Variants in COG2 observed in about 807,000 individuals in gnomAD.
The protein encoded by COG2 is component of oligomeric golgi complex 2.
COG2 carries 52 observed loss-of-function variants against 90.6 expected under a neutral mutation model. That is an observed-to-expected ratio of 0.57 (90% CI 0.46 to 0.72). The LOEUF is 0.72. Among genes scored for constraint, COG2 ranks in the 30% least tolerant of loss-of-function variants. COG2 has a pLI of 0.00. For synonymous variants in COG2, 337 were observed against 320.4 expected (o/e 1.05, Z -0.55); for missense variants, 829 against 891.2 (o/e 0.93, Z 0.89).
At chr1:230,669,047 A>G in intron 6 of COG2, 2 of 451,948 alleles carry the variant, frequency 4.4e-6, no homozygotes, top group Non-Finnish European at 7.8e-6. Context: ...GTAGACAATT[A>G]ATTTATCCAA....
intron 1 of COG2, among the ~76,000 whole-genome samples, chr1:230,646,010 C>T (rs1245832486): frequency 6.6e-6 from 1 of 152,084 alleles, no homozygotes; most frequent in African/African-American, 2.4e-5. Context: ...TTTCCTTCCT[C>T]CTGAGGTCTG....
At chr1:230,643,911 T>G (rs1661689890) in intron 1 of COG2, among the ~76,000 whole-genome samples, 1 of 152,128 alleles carries the variant, frequency 6.6e-6, no homozygotes, top group African/African-American at 2.4e-5. Context: ...CAGCTAAGGG[T>G]ACATGCTGGG....
rs75830516 is a variant in COG2 at position 230,689,991 on chromosome 1, A to G, written c.1795-23A>G. The G allele has an allele frequency of 1.2e-4, 179 of 1,546,740 alleles. 2 individuals are homozygous for G. The African/African-American group carries it at 2.2e-3, about 19-fold the overall frequency. On this transcript the variant is annotated intron_variant, in intron 15 of 17. Transcript: ENST00000366669. ...TTCTGTTTTTTTCCTGTGCATCTTT[A>G]TCTCCTACCATCATCATTCCAGGAG...
At chr1:230,671,026 G>A (rs1174538296) in intron 7 of COG2, 2 of 151,830 alleles carry the variant, frequency 1.3e-5, no homozygotes, top group African/African-American at 4.8e-5. Flanking sequence ...TAGCCACATT[G>A]TGTTTTATTT....
chr1:230,644,608 C>G (rs1041837535), intron 1 of COG2, among the ~76,000 whole-genome samples: 7 of 152,174 alleles, frequency 4.6e-5, no homozygotes, highest in African/African-American at 1.7e-4. Flanking sequence ...GGTATTACGT[C>G]TCTTCTGGTG....
At chr1:230,644,889 A>G (rs1235943777) in intron 1 of COG2, among the ~76,000 whole-genome samples, 3 of 152,180 alleles carry the variant, frequency 2.0e-5, no homozygotes, top group Non-Finnish European at 4.4e-5. Context: ...AGTGGTTTTT[A>G]TGAGATCTGA....
At chr1:230,664,657 A>G in intron 5 of COG2, 70 bp downstream of exon 5, 6 of 694,350 alleles carry the variant, frequency 8.6e-6, no homozygotes, top group Admixed American at 3.3e-5. Flanking sequence ...TTTTAGTTAG[A>G]ACTCATTTCT....
intron 4 of COG2, among the ~76,000 whole-genome samples, chr1:230,663,726 G>A (rs1413572508): frequency 2.6e-5 from 4 of 152,108 alleles, no homozygotes; most frequent in Admixed American, 2.6e-4. Context: ...AATGTTCCTT[G>A]ATAATATCTG....
chr1:230,675,628 ATATTT>A (rs1210007521), intron 9 of COG2, among the ~76,000 whole-genome samples: 2 of 151,964 alleles, frequency 1.3e-5, no homozygotes, highest in Non-Finnish European at 2.9e-5. Flanking sequence ...TTTTTAATTT[ATATTT>A]TATTTTATTA....
intron 13 of COG2, among the ~76,000 whole-genome samples, chr1:230,687,447 C>T (rs991487464): frequency 2.6e-5 from 4 of 151,780 alleles, no homozygotes; most frequent in African/African-American, 9.7e-5. Flanking sequence ...TGCTCCCCCA[C>T]TTTTTTTTTC....
chr1:230,672,512 C>T (rs1173796963), intron 8 of COG2, among the ~76,000 whole-genome samples: 6 of 152,092 alleles, frequency 3.9e-5, no homozygotes, highest in Non-Finnish European at 7.3e-5. Context: ...ACATGAAGCT[C>T]CAGCTCAGAT....
chr1:230,690,009 T>A lies in COG2; in HGVS notation c.1795-5T>A. 6.3e-7 allele frequency: 1 copy of A among 1,586,296 alleles called. No individual in the cohort carries two copies. The highest frequency in any genetic ancestry group is 8.6e-7 in the Non-Finnish European group (1 of 1,168,702). ...CATCTTTATCTCCTACCATCATCAT[T>A]CCAGGAGGTCCCAACCACAGCTTCC... On this transcript the variant is annotated splice_region_variant and splice_polypyrimidine_tract_variant and intron_variant, in intron 15 of 17. Transcript: ENST00000366669.
chr1:230,664,995 G>T (rs1406394417), intron 5 of COG2, among the ~76,000 whole-genome samples: 1 of 152,186 alleles, frequency 6.6e-6, no homozygotes, highest in Non-Finnish European at 1.5e-5. Context: ...TTAAGAAATA[G>T]TACAGGACAT....
intron 1 of COG2, among the ~76,000 whole-genome samples, chr1:230,645,557 T>A (rs1196792715): frequency 6.6e-6 from 1 of 152,180 alleles, no homozygotes; most frequent in African/African-American, 2.4e-5. Flanking sequence ...CCAACCTTTT[T>A]GACACTTTTG....
intron 10 of COG2, 191 bp downstream of exon 10, chr1:230,679,243 A>G: frequency 5.7e-6 from 3 of 523,978 alleles, no homozygotes; most frequent in Non-Finnish European, 9.5e-6. Flanking sequence ...GCATGACAAA[A>G]AGATAAGTTT....
intron 5 of COG2, among the ~76,000 whole-genome samples, chr1:230,664,999 A>G (rs1247895374): frequency 2.6e-5 from 4 of 152,240 alleles, no homozygotes; most frequent in African/African-American, 7.2e-5. Context: ...GAAATAGTAC[A>G]GGACATATTT....
chr1:230,662,620 T>C (rs1662206499), intron 3 of COG2, among the ~76,000 whole-genome samples: 1 of 152,192 alleles, frequency 6.6e-6, no homozygotes, highest in Admixed American at 6.5e-5. Context: ...TAGAATCTGG[T>C]CTAAAGTCTT....
intron 10 of COG2, chr1:230,679,501 T>A (rs1662681035): frequency 6.5e-6 from 1 of 153,060 alleles, no homozygotes; most frequent in African/African-American, 2.4e-5. Context: ...GAGCTTTAAG[T>A]GTTCTTTGCA....
intron 16 of COG2, 118 bp from the exon 17 acceptor site, chr1:230,691,266 T>C: frequency 1.2e-6 from 1 of 804,150 alleles, no homozygotes; most frequent in Non-Finnish European, 1.9e-6. Context: ...GGTTGAATTT[T>C]CGTTGGAAGT....
Sources: gnomAD v4.1 joint callset for allele counts (sites outside exome capture counted in the v4.1 genomes callset) on GRCh38, gnomAD v4.1.1 for gene constraint, MANE v1.5 for transcripts, NCBI Gene and HGNC (gene_info 2026-07-23, HGNC 2026-07-21) for gene names.